NPHS1: variants seen among roughly 807,000 people sequenced by gnomAD.
NPHS1 encodes the protein nephrin.
In NPHS1, 107 loss-of-function variants were observed where a neutral mutation model predicts 139.7. The ratio of observed to expected loss-of-function variants is 0.77; its 90% CI spans 0.66 to 0.90. The LOEUF (loss-of-function observed/expected upper bound fraction) is 0.90, where lower values mean the gene tolerates loss of function less well. Ranked by LOEUF, NPHS1 falls within the 40% of genes least tolerant of loss-of-function variation. The probability of loss-of-function intolerance (pLI) is 0.00; values close to 1 mark genes in which losing one functional copy is unlikely to be tolerated. For synonymous variants in NPHS1, 707 were observed against 706.6 expected (o/e 1.00, Z -0.01); for missense variants, 1,580 against 1,654.2 (o/e 0.96, Z 0.78).
intron 22 of NPHS1, among the ~76,000 whole-genome samples, chr19:35,836,274 A>G (rs1053019418): frequency 1.4e-5 from 2 of 147,576 alleles, no homozygotes; most frequent in Non-Finnish European, 3.0e-5. Context: ...TTTTTTTTTA[A>G]AGAGACAGGG....
intron 17 of NPHS1, among the ~76,000 whole-genome samples, 200 bp from the exon 18 acceptor site, chr19:35,842,750 C>T (rs1445478137): frequency 6.6e-6 from 1 of 152,174 alleles, no homozygotes; most frequent in Non-Finnish European, 1.5e-5. Context: ...AACCACCTAC[C>T]CATCCATTCA....
In NPHS1 at chr19:35,848,699, C is replaced by T. The variant is rs149123867; in HGVS notation, c.1108G>A (p.Val370Ile). ...CAGCCCAGCCACCATCGTAGCAGAA[C>T]CCGCGGGCGACTGGACTTGCTGACA... is the stretch of plus-strand genomic sequence containing the variant. ...SCVSKSSRPR[V>I]LLRWWLGWRQ... The change falls in exon 9 of 29, where the codon GTT (valine) becomes ATT (isoleucine). Residue 370 changes from valine (V) to isoleucine (I), a missense_variant. Val to Ile is a conservative substitution (Grantham distance 29, BLOSUM62 3). Transcript: ENST00000378910. 21 of 1,614,048 alleles carry T rather than the reference C, an allele frequency of 1.3e-5. No individual in the cohort carries two copies. Among genetic ancestry groups the T allele is most frequent in the Admixed American group, 3.3e-5 (2 of 60,006 alleles).
chr19:35,850,159 G>A (rs542042092), intron 5 of NPHS1, among the ~76,000 whole-genome samples: 5 of 152,134 alleles, frequency 3.3e-5, no homozygotes, highest in African/African-American at 1.2e-4. Flanking sequence ...CAGGTGATCC[G>A]CCCACCTCAG....
At position 35,841,805 on chromosome 19, in the gene NPHS1, C is replaced by T. The variant is rs757413070; in HGVS notation, c.2725G>A (p.Val909Met). ...VHSSLLTIAN[V>M]SAAQDYALFT... is the part of the protein sequence containing the mutation. Reference sequence around the variant, plus strand: ...AGGGCGTAATCCTGGGCGGCAGACACGTTGGCAATGGTCAGGAGGCTGCTG... The same window carrying T: ...AGGGCGTAATCCTGGGCGGCAGACATGTTGGCAATGGTCAGGAGGCTGCTG... The change falls in exon 20 of 29, where the codon GTG becomes ATG. Residue 909 changes from valine to methionine, a missense_variant. Coordinates refer to ENST00000378910, the MANE Select transcript of NPHS1 (RefSeq NM_004646.4). The T allele has an allele frequency of 1.1e-5, 17 of 1,614,102 alleles. No homozygotes were observed. The highest frequency in any genetic ancestry group is 2.7e-5 in the African/African-American group (2 of 75,020).
chr19:35,835,110 G>C (rs1244837424), intron 23 of NPHS1, among the ~76,000 whole-genome samples: 1 of 143,072 alleles, frequency 7.0e-6, no homozygotes, highest in East Asian at 2.1e-4. Flanking sequence ...TAAGGCAAAA[G>C]AATCGCTTGA....
chr19:35,848,230 G>A (rs1429191019), intron 10 of NPHS1, 23 bp downstream of exon 10: 2 of 1,614,156 alleles, frequency 1.2e-6, no homozygotes, highest in Non-Finnish European at 1.7e-6. Flanking sequence ...TGGGGGCATT[G>A]CTGGGCCAGG....
intron 9 of NPHS1, 43 bp from the exon 10 acceptor site, chr19:35,848,440 T>C (rs1310501673): frequency 6.2e-7 from 1 of 1,613,594 alleles, no homozygotes; most frequent in Non-Finnish European, 8.5e-7. Context: ...GCAGCACCCC[T>C]ATCCATCGTG....
chr19:35,845,924 G>A lies in NPHS1; in HGVS notation c.1627+84C>T, dbSNP rs371064359. The A allele has an allele frequency of 2.0e-6, 3 of 1,521,642 alleles. No homozygotes were observed. The highest frequency in any genetic ancestry group is 4.0e-5 in the Admixed American group (2 of 49,996). 94.3% of individuals were successfully genotyped at this position (1,521,642 alleles called of 1,614,324 possible). ...CACCCCGCCTCCGCCCGCTTTCCCC[G>A]GGTCCAGGGTTCGCTGGGTCCCTGC... On this transcript the variant is annotated intron_variant, in intron 12 of 28. Coordinates refer to ENST00000378910, the MANE Select transcript of NPHS1 (RefSeq NM_004646.4). The surrounding 1 kb of genome is among the most constrained non-coding windows in gnomAD (Gnocchi z 5.5).
chr19:35,847,638 GA>G (rs1420171415), intron 11 of NPHS1, among the ~76,000 whole-genome samples: 81 of 150,000 alleles, frequency 5.4e-4, no homozygotes, highest in African/African-American at 1.9e-3. Flanking sequence ...TTACAGGCGT[GA>G]GCCACTGTGC....
chr19:35,831,617 C>T, intron 24 of NPHS1, 26 bp downstream of exon 24: 1 of 1,613,338 alleles, frequency 6.2e-7, no homozygotes, highest in Non-Finnish European at 8.5e-7. Flanking sequence ...GGGTCTCCAC[C>T]CTGGCAGGGA....
chr19:35,838,650 C>A (rs1973011068), intron 22 of NPHS1, among the ~76,000 whole-genome samples: 1 of 152,064 alleles, frequency 6.6e-6, no homozygotes, highest in East Asian at 1.9e-4. Flanking sequence ...GTGTTCGAGA[C>A]CAGCCTGACC....
chr19:35,840,774 C>T (rs1227062936), intron 20 of NPHS1, among the ~76,000 whole-genome samples: 1 of 148,850 alleles, frequency 6.7e-6, no homozygotes, highest in East Asian at 2.0e-4. Flanking sequence ...CTGCAACCTC[C>T]ACCTCCTGGG....
chr19:35,828,882 A>T (rs1339579847), intron 28 of NPHS1, among the ~76,000 whole-genome samples: 1 of 152,234 alleles, frequency 6.6e-6, no homozygotes, highest in Non-Finnish European at 1.5e-5. Flanking sequence ...GCTTTGCGCC[A>T]TGCTGGTGAG....
Position 35,839,307 on chromosome 19 carries a change from C to G in NPHS1, c.3039G>C (p.Leu1013=), listed in dbSNP as rs747435857. 1.9e-6 allele frequency: 3 copies of G among 1,614,224 alleles called. No individual in the cohort carries two copies. In the Admixed American group the frequency reaches 5.0e-5, roughly 27 times the overall value. ...LQPSTRYRVW[L]LASNALGDSG... ...TGTCCCCCAAGGCATTACTGGCCAG[C>G]AGCCAGACCCTGTATCTTGTAGAAG... Residue 1013 remains leucine (L), a synonymous_variant, in exon 22 of 29, where the codon CTG becomes CTC. Coordinates refer to ENST00000378910, the MANE Select transcript of NPHS1 (RefSeq NM_004646.4).
intron 6 of NPHS1, 68 bp downstream of exon 6, chr19:35,849,482 A>AT: frequency 6.3e-7 from 1 of 1,596,184 alleles, no homozygotes; most frequent in Non-Finnish European, 8.6e-7. Context: ...AATCCCTGTG[A>AT]TCCCCCCACA....
At chr19:35,846,341 C>G (rs923658069) in intron 11 of NPHS1, 147 bp from the exon 12 acceptor site, 11 of 809,100 alleles carry the variant, frequency 1.4e-5, no homozygotes, top group Admixed American at 8.9e-5. Context: ...AGCACCACCC[C>G]CCTAGGGCAA....
rs1213758101 is a variant in NPHS1, at chr19:35,826,590, T to C, written c.3650A>G (p.Tyr1217Cys). The change falls in exon 29 of 29, where the codon TAT becomes TGT. Residue 1217 changes from tyrosine to cysteine, a missense_variant. By Grantham distance (194) the Tyr-to-Cys change is radical (BLOSUM62 -2). Transcript: ENST00000378910. ...GTCCAAGTCTCCGGCCACCTGGTCA[T>C]AGATTCCTCTTGGATCCTGATATGT... is the stretch of plus-strand genomic sequence containing the variant. ...EDTYQDPRGI[Y>C]DQVAGDLDTL... 3.7e-6 allele frequency: 6 copies of C among 1,613,934 alleles called. No homozygotes were observed. Among genetic ancestry groups the C allele is most frequent in the Non-Finnish European group, 5.1e-6 (6 of 1,180,000 alleles).
In NPHS1 at chr19:35,825,602, A is replaced by T. The variant is rs1211379378; in HGVS notation, c.*912T>A. Among the ~76,000 whole-genome samples, 1 of 152,242 alleles carries T rather than the reference A, an allele frequency of 6.6e-6. No individual in the cohort carries two copies. Among genetic ancestry groups the T allele is most frequent in the South Asian group, 2.1e-4 (1 of 4,810 alleles). ...TCTGCTGTGCTCTCTGCCACCGTAG[A>T]TTAGTTTTGCCTATTTTAGAATTTC... On this transcript the variant is annotated 3_prime_UTR_variant, in exon 29 of 29. Coordinates refer to ENST00000378910, the MANE Select transcript of NPHS1 (RefSeq NM_004646.4).
rs144203682 is a variant in NPHS1, at chr19:35,831,654, C to T, written c.3275G>A (p.Arg1092His). The T allele has an allele frequency of 5.8e-5, 93 of 1,613,018 alleles. No individual in the cohort carries two copies. Among genetic ancestry groups the T allele is most frequent in the African/African-American group, 1.6e-4 (12 of 74,838 alleles). Residue 1092 changes from arginine (R) to histidine (H), a missense_variant, in exon 24 of 29, where the codon CGT becomes CAT. Physicochemically the swap from Arg to His is conservative, Grantham distance 29 (BLOSUM62 0). Coordinates refer to ENST00000378910, the MANE Select transcript of NPHS1 (RefSeq NM_004646.4). ...GGGTCTCTCCTCACCCTCAGCAAGACGCCTGAGTCTCCGCTGCCAGAGGAC... is the reference window on the plus strand; with the variant it reads ...GGGTCTCTCCTCACCCTCAGCAAGATGCCTGAGTCTCCGCTGCCAGAGGAC... ...GGVLWQRRLR[R>H]LAEGISEKTE...
Sources: gnomAD v4.1 joint callset for allele counts (sites outside exome capture counted in the v4.1 genomes callset) on GRCh38, gnomAD v4.1.1 for gene constraint, Gnocchi (gnomAD v3.1) non-coding constraint, MANE v1.5 for transcripts, NCBI Gene and HGNC (gene_info 2026-07-23, HGNC 2026-07-21) for gene names.